Variants in STRN observed in about 807,000 individuals in gnomAD.
STRN encodes striatin.
STRN carries 53 observed loss-of-function variants against 96.3 expected under a neutral mutation model. The observed-to-expected ratio is 0.55, with a 90% confidence interval of 0.44 to 0.69. The LOEUF is 0.69. Ranked by LOEUF, STRN falls within the 30% of genes least tolerant of loss-of-function variation. The pLI is 0.00. For missense variants in STRN, 987 were observed against 963.9 expected, an observed-to-expected ratio of 1.02 and a Z score of -0.32; for synonymous variants, 428 against 355.9, an observed-to-expected ratio of 1.20 and a Z score of -2.28.
chr2:36,908,829 T>C (rs929986561), intron 3 of STRN, among the ~76,000 whole-genome samples: 3 of 152,062 alleles, frequency 2.0e-5, no homozygotes, highest in African/African-American at 7.2e-5. Context: ...CAAAAGTTAG[T>C]TGGAGGCTGG....
Position 36,947,557 on chromosome 2 carries a change from T to C in STRN, c.234+18673A>G, listed in dbSNP as rs1034773318. ...TGATAACTCGGGAACATATATATTATTTACATATATATTATATATATATAT... is the reference window on the plus strand; with the variant it reads ...TGATAACTCGGGAACATATATATTACTTACATATATATTATATATATATAT... On this transcript the variant is annotated intron_variant, in intron 1 of 17. Coordinates refer to ENST00000263918, the MANE Select transcript of STRN (RefSeq NM_003162.4). 1.1e-3 allele frequency among the ~76,000 whole-genome samples: 170 copies of C among 148,154 alleles called. 1 individual carries two copies. Among genetic ancestry groups the C allele is most frequent in the Non-Finnish European group, 2.2e-4 (15 of 67,238 alleles).
chr2:36,889,255 T>C (rs1425685548), intron 7 of STRN, among the ~76,000 whole-genome samples: 1 of 151,812 alleles, frequency 6.6e-6, no homozygotes, highest in Non-Finnish European at 1.5e-5. Flanking sequence ...TTTTAATAAT[T>C]TGAGTTTCAA....
At chr2:36,900,631 C>G (rs1266206593) in intron 5 of STRN, among the ~76,000 whole-genome samples, 2 of 152,142 alleles carry the variant, frequency 1.3e-5, no homozygotes, top group African/African-American at 4.8e-5. Context: ...TGGCTCACAC[C>G]TGTAATCCCA....
chr2:36,957,742 G>GTTTTT (rs1158709835), intron 1 of STRN, among the ~76,000 whole-genome samples: 1,976 of 103,056 alleles, frequency 0.019, 276 homozygotes, highest in Non-Finnish European at 0.027. Context: ...TCTTCTTTTT[G>GTTTTT]TCTTTTTTTT....
Position 36,849,329 on chromosome 2 carries a change from A to C in STRN, c.*127T>G, listed in dbSNP as rs2148122249. The C allele has an allele frequency of 8.8e-7, 1 of 1,132,396 alleles. No homozygotes were observed. Among genetic ancestry groups the C allele is most frequent in the East Asian group, 2.5e-5 (1 of 40,338 alleles). The allele number at this position is 1,132,396 out of a possible 1,614,324, so 70.1% of individuals were successfully genotyped here. On this transcript the variant is annotated 3_prime_UTR_variant, in exon 18 of 18. Transcript: ENST00000263918. Reference sequence around the variant, plus strand: ...TGAATTGCAAAACTATACTTCAACAAATGTTCTCTGTGCTCCTTCAGCAGA... The same window carrying C: ...TGAATTGCAAAACTATACTTCAACACATGTTCTCTGTGCTCCTTCAGCAGA...
At chr2:36,950,223 T>G (rs1280678713) in intron 1 of STRN, among the ~76,000 whole-genome samples, 6 of 146,918 alleles carry the variant, frequency 4.1e-5, no homozygotes, top group African/African-American at 1.5e-4. Flanking sequence ...GTTTTTTTTT[T>G]TTTTTTTTTT....
Position 36,849,554 on chromosome 2 carries a change from T to C in STRN, c.2245A>G (p.Lys749Glu). 6.2e-7 allele frequency: 1 copy of C among 1,614,182 alleles called. No homozygotes were observed. Among genetic ancestry groups the C allele is most frequent in the Non-Finnish European group, 8.5e-7 (1 of 1,180,014 alleles). The stretch of plus-strand genomic sequence containing the variant: ...TCATGAATCGATTCTTCAAACTTTT[T>C]TCGATGAGCTGTGAATTCTTGGATA... ...TCIQEFTAHR[K>E]KFEESIHDVA... Residue 749 changes from lysine (K) to glutamate (E), a missense_variant, in exon 18 of 18, where the codon AAA becomes GAA. Transcript: ENST00000263918.
At chr2:36,943,395 TATATATAA>T (rs1399806531) in intron 1 of STRN, among the ~76,000 whole-genome samples, 1 of 151,064 alleles carries the variant, frequency 6.6e-6, no homozygotes, top group Non-Finnish European at 1.5e-5. Flanking sequence ...ACTATATATA[TATATATAA>T]ATATATAAGA....
intron 9 of STRN, 130 bp downstream of exon 9, chr2:36,883,802 T>A: frequency 1.1e-6 from 1 of 903,046 alleles, no homozygotes; most frequent in Non-Finnish European, 1.5e-6. Flanking sequence ...AGCTTGCATT[T>A]GGGGAAAACT....
chr2:36,926,214 A>G (rs1670404977), intron 1 of STRN, among the ~76,000 whole-genome samples: 2 of 152,250 alleles, frequency 1.3e-5, no homozygotes, highest in South Asian at 4.1e-4. Context: ...GGGGTAGGAA[A>G]GAGTAGCTCT....
At chr2:36,896,726 C>T (rs1364133086) in intron 6 of STRN, among the ~76,000 whole-genome samples, 1 of 152,114 alleles carries the variant, frequency 6.6e-6, no homozygotes, top group Non-Finnish European at 1.5e-5. Context: ...TCTTTTTCCT[C>T]CTAAAGTTCC....
intron 1 of STRN, among the ~76,000 whole-genome samples, chr2:36,959,099 C>T (rs542381063): frequency 6.6e-6 from 1 of 152,202 alleles, no homozygotes; most frequent in Admixed American, 6.5e-5. Flanking sequence ...CTGGGCGACA[C>T]AGCTAGACTC....
intron 1 of STRN, among the ~76,000 whole-genome samples, chr2:36,944,832 A>C (rs931233176): frequency 5.3e-5 from 8 of 152,238 alleles, no homozygotes; most frequent in African/African-American, 1.9e-4. Flanking sequence ...TCGTAATCAG[A>C]GAAATGCAAA....
chr2:36,908,030 G>A (rs1314153392), intron 3 of STRN, among the ~76,000 whole-genome samples: 1 of 152,094 alleles, frequency 6.6e-6, no homozygotes, highest in Admixed American at 6.6e-5. Context: ...CAAAAACGCT[G>A]CCCCCAAACT....
At chr2:36,861,336 A>G in intron 12 of STRN, 83 bp from the exon 13 acceptor site, 1 of 1,528,942 alleles carries the variant, frequency 6.5e-7, no homozygotes, top group Non-Finnish European at 8.9e-7. Flanking sequence ...AGAATGTTTA[A>G]TTACCCAAAT....
rs368601954 is a variant in STRN, at chr2:36,883,322, C to T, written c.1186+610G>A. ...ATACAAAAAAATTAGCTAGGCTTGG[C>T]GGCAGGTGCCTGTAATCTCAGCTAC... On this transcript the variant is annotated intron_variant, in intron 9 of 17. Coordinates refer to ENST00000263918, the MANE Select transcript of STRN (RefSeq NM_003162.4). Among the ~76,000 whole-genome samples, 9 of 152,002 alleles carry T rather than the reference C, an allele frequency of 5.9e-5. 2 individuals are homozygous for T. The highest frequency in any genetic ancestry group is 2.9e-5 in the Non-Finnish European group (2 of 67,952).
Position 36,916,090 on chromosome 2 carries a change from T to C in STRN, c.400A>G (p.Ser134Gly). ...ELNQGDMKPP[S>G]YDSDEGNETE... ...AAAATTAGCTTACCAGAATCATAGC[T>C]TGGAGGCTTCATATCTCCCTGATTC... Residue 134 changes from serine to glycine, a missense_variant, in exon 3 of 18, where the codon AGC becomes GGC. Ser to Gly is a moderately conservative substitution (Grantham distance 56, BLOSUM62 0). Coordinates refer to ENST00000263918, the MANE Select transcript of STRN (RefSeq NM_003162.4). The C allele has an allele frequency of 1.2e-6, 2 of 1,613,294 alleles. No individual in the cohort carries two copies. Among genetic ancestry groups the C allele is most frequent in the African/African-American group, 1.3e-5 (1 of 75,062 alleles).
chr2:36,954,046 T>A (rs908797468), intron 1 of STRN, among the ~76,000 whole-genome samples: 2 of 152,060 alleles, frequency 1.3e-5, no homozygotes, highest in African/African-American at 4.8e-5. Flanking sequence ...AAAAATCAAA[T>A]TTTTAGGTTA....
rs770646400 is a variant in STRN at position 36,902,766 on chromosome 2, T to A, written c.492-15A>T. ...CCTGTAGATACCTGTGTGAAGAGAA[T>A]CCTTAGAGTTCAGTCATACTGGAAT... On this transcript the variant is annotated splice_polypyrimidine_tract_variant and intron_variant, in intron 4 of 17. Transcript: ENST00000263918. 6.3e-7 allele frequency: 1 copy of A among 1,577,608 alleles called. No homozygotes were observed.
Sources: gnomAD v4.1 joint callset for allele counts (sites outside exome capture counted in the v4.1 genomes callset) on GRCh38, gnomAD v4.1.1 for gene constraint, MANE v1.5 for transcripts, NCBI Gene and HGNC (gene_info 2026-07-23, HGNC 2026-07-21) for gene names.